LUZP2: variants seen among roughly 807,000 people sequenced by gnomAD.
LUZP2 encodes the protein leucine zipper protein 2.
A neutral mutation model predicts 51.6 loss-of-function variants in LUZP2; 52 were observed. The observed-to-expected ratio is 1.01, with a 90% CI of 0.81 to 1.27. The LOEUF (loss-of-function observed/expected upper bound fraction) is 1.27. Ranked by LOEUF, LUZP2 falls within the 50% of genes most tolerant of loss-of-function variation. The pLI is 0.00. For synonymous variants in LUZP2, 154 were observed against 137.3 expected, an observed-to-expected ratio of 1.12 and a Z score of -0.85; for missense variants, 436 against 395.4, an observed-to-expected ratio of 1.10 and a Z score of -0.87.
Position 24,604,385 on chromosome 11 carries a change from G to A in LUZP2, c.62+107080G>A, listed in dbSNP as rs528925833. Among the ~76,000 whole-genome samples, 28 of 151,900 alleles carry A rather than the reference G, an allele frequency of 1.8e-4. No individual in the cohort carries two copies. In the South Asian group the frequency reaches 5.8e-3, roughly 31 times the overall value. ...TAATAATACAAGGTTAAGCAATGCA[G>A]AGTCATTCTTTCTACTCCTGAGTTG... On this transcript the variant is annotated intron_variant, in intron 1 of 11. Transcript: ENST00000336930.
intron 7 of LUZP2, among the ~76,000 whole-genome samples, chr11:24,919,554 A>T (rs900775932): frequency 2.8e-5 from 4 of 143,330 alleles, no homozygotes; most frequent in African/African-American, 1.0e-4. Context: ...TATTCTTTAT[A>T]TATATTCATA....
chr11:24,517,706 T>C (rs1850522127), intron 1 of LUZP2, among the ~76,000 whole-genome samples: 1 of 152,046 alleles, frequency 6.6e-6, no homozygotes, highest in Non-Finnish European at 1.5e-5. Context: ...TTTTAGAAGG[T>C]TGAATTTATC....
rs555959107 is a variant in LUZP2, at chr11:25,082,091, A to G, written c.*3433A>G. The stretch of plus-strand genomic sequence containing the variant: ...GCCAAAATGCTCAGAAGAAAAGTGA[A>G]TAATTCAGTCATTCATCTGGATGTA... On this transcript the variant is annotated 3_prime_UTR_variant, in exon 12 of 12. Coordinates refer to ENST00000336930, the MANE Select transcript of LUZP2 (RefSeq NM_001009909.4). 1.3e-5 allele frequency: 2 copies of G among 152,728 alleles called. No individual in the cohort carries two copies. The highest frequency in any genetic ancestry group is 1.9e-4 in the East Asian group (1 of 5,188). 9.5% of individuals were successfully genotyped at this position (152,728 alleles called of 1,614,324 possible).
chr11:25,028,948 T>G (rs1436437273), intron 9 of LUZP2, among the ~76,000 whole-genome samples: 1 of 152,126 alleles, frequency 6.6e-6, no homozygotes. Flanking sequence ...ACAAAGAACT[T>G]AAAAGATCAT....
At chr11:24,825,694 A>G (rs909976563) in intron 5 of LUZP2, among the ~76,000 whole-genome samples, 3 of 152,004 alleles carry the variant, frequency 2.0e-5, no homozygotes, top group Admixed American at 2.0e-4. Flanking sequence ...CATGAATTTT[A>G]AAATATGATA....
intron 1 of LUZP2, among the ~76,000 whole-genome samples, chr11:24,585,506 A>G (rs1445166937): frequency 6.6e-6 from 1 of 151,806 alleles, no homozygotes; most frequent in Non-Finnish European, 1.5e-5. Flanking sequence ...GCTTTTTTTT[A>G]TTTACTCTCA....
chr11:24,991,666 A>C (rs1856350420), intron 9 of LUZP2, among the ~76,000 whole-genome samples: 1 of 151,916 alleles, frequency 6.6e-6, no homozygotes, highest in African/African-American at 2.4e-5. Context: ...TAGTGGTTGT[A>C]CTAGTTTACA....
At chr11:24,803,567 G>A (rs113441956) in intron 5 of LUZP2, among the ~76,000 whole-genome samples, 113 of 151,990 alleles carry the variant, frequency 7.4e-4, no homozygotes, top group African/African-American at 2.5e-3. Context: ...AGCTAAAATG[G>A]GAAAACAACC....
intron 1 of LUZP2, among the ~76,000 whole-genome samples, chr11:24,723,227 G>A (rs76376652): frequency 0.01 from 1,598 of 152,220 alleles, 24 homozygotes; most frequent in African/African-American, 0.036. Context: ...AAGTACTAAT[G>A]ATACCAGTGT....
intron 9 of LUZP2, among the ~76,000 whole-genome samples, chr11:24,998,509 G>A (rs1247945389): frequency 6.6e-6 from 1 of 152,160 alleles, no homozygotes; most frequent in Admixed American, 6.5e-5. Flanking sequence ...ATCAGCTTAA[G>A]GAGATTTTGG....
chr11:24,662,676 A>T (rs1159857275), intron 1 of LUZP2, among the ~76,000 whole-genome samples: 1 of 152,114 alleles, frequency 6.6e-6, no homozygotes, highest in Admixed American at 6.5e-5. Flanking sequence ...GCTAAGCAAG[A>T]TGATGATTAT....
At chr11:24,610,832 C>A (rs76955482) in intron 1 of LUZP2, among the ~76,000 whole-genome samples, 2,584 of 152,204 alleles carry the variant, frequency 0.017, 72 homozygotes, top group East Asian at 0.12. Flanking sequence ...GTAGTCCCAG[C>A]TACTCAAGAG....
rs1297543088 is a variant in LUZP2, at chr11:24,716,752, T to C, written c.63-12417T>C. On this transcript the variant is annotated intron_variant, in intron 1 of 11. Coordinates refer to ENST00000336930, the MANE Select transcript of LUZP2 (RefSeq NM_001009909.4). ...CTGTACTAAAAATACAAAAATGTTC[T>C]GGGCATGATGGCAGGCAACTGTAAT... Among the ~76,000 whole-genome samples the C allele has an allele frequency of 2.6e-5, 4 of 152,098 alleles. No individual in the cohort carries two copies. The East Asian group carries it at 7.8e-4, about 29-fold the overall frequency.
intron 5 of LUZP2, among the ~76,000 whole-genome samples, chr11:24,868,084 C>A (rs1169104605): frequency 1.3e-5 from 2 of 152,154 alleles, no homozygotes; most frequent in African/African-American, 4.8e-5. Flanking sequence ...TTGTACCCTT[C>A]CTACACCTCT....
intron 7 of LUZP2, among the ~76,000 whole-genome samples, chr11:24,948,070 A>G (rs564439673): frequency 6.6e-6 from 1 of 151,898 alleles, no homozygotes; most frequent in East Asian, 1.9e-4. Context: ...AGTGTGCTTA[A>G]TGGTGTCCCA....
intron 3 of LUZP2, among the ~76,000 whole-genome samples, chr11:24,735,188 G>T (rs906787192): frequency 2.0e-5 from 3 of 151,882 alleles, no homozygotes; most frequent in African/African-American, 7.2e-5. Context: ...AGAAAGGAGT[G>T]TGTTTGCATG....
At chr11:24,880,267 G>A (rs1035982288) in intron 5 of LUZP2, among the ~76,000 whole-genome samples, 2 of 130,536 alleles carry the variant, frequency 1.5e-5, no homozygotes, top group African/African-American at 2.7e-5. Context: ...CAATTGCTGC[G>A]CTCTCCCTCT....
At position 24,715,860 on chromosome 11, in the gene LUZP2, T is replaced by C. The variant is rs116018879; in HGVS notation, c.63-13309T>C. On this transcript the variant is annotated intron_variant, in intron 1 of 11. Coordinates refer to ENST00000336930, the MANE Select transcript of LUZP2 (RefSeq NM_001009909.4). Reference sequence around the variant, plus strand: ...ATGTAGAAGGATCCAATAAAATATATACTACTTCATTATTTGTAGAGGGAC... The same window carrying C: ...ATGTAGAAGGATCCAATAAAATATACACTACTTCATTATTTGTAGAGGGAC... Among the ~76,000 whole-genome samples, 897 of 152,284 alleles carry C rather than the reference T, an allele frequency of 5.9e-3. 9 individuals carry two copies. Among genetic ancestry groups the C allele is most frequent in the African/African-American group, 0.021 (853 of 41,554 alleles).
intron 4 of LUZP2, among the ~76,000 whole-genome samples, chr11:24,761,705 A>G (rs867493162): frequency 5.9e-5 from 9 of 152,100 alleles, no homozygotes; most frequent in Non-Finnish European, 1.0e-4. Flanking sequence ...TAATTTAGTA[A>G]TTGTTTACTT....
Sources: gnomAD v4.1 joint callset for allele counts (sites outside exome capture counted in the v4.1 genomes callset) on GRCh38, gnomAD v4.1.1 for gene constraint, MANE v1.5 for transcripts, NCBI Gene and HGNC (gene_info 2026-07-23, HGNC 2026-07-21) for gene names.